CTPS2: variants seen among roughly 807,000 people sequenced by gnomAD.
The protein encoded by CTPS2 is CTP synthase II.
A neutral mutation model predicts 46.8 loss-of-function variants in CTPS2; 19 were observed. That is an observed-to-expected ratio of 0.41 (90% CI 0.28 to 0.60). The LOEUF (loss-of-function observed/expected upper bound fraction) is 0.60. Ranked by LOEUF, CTPS2 falls within the 20% of genes least tolerant of loss-of-function variation. CTPS2 has a pLI of 0.35. For synonymous variants in CTPS2, 151 were observed against 165.2 expected, an observed-to-expected ratio of 0.91 and a Z score of 0.66; for missense variants, 286 against 447.6, an observed-to-expected ratio of 0.64 and a Z score of 3.26.
chrX:16,674,700 T>C lies in CTPS2; in HGVS notation c.1094+3662A>G, dbSNP rs766120569. ...AAAAATACAAAAAATTAGCCGGGCG[T>C]GGTGGCAGGCGCCTGTAGTCCCAGC... On this transcript the variant is annotated intron_variant, in intron 10 of 18. Coordinates refer to ENST00000359276, the MANE Select transcript of CTPS2 (RefSeq NM_175859.3). Among the ~76,000 whole-genome samples the C allele has an allele frequency of 8.5e-5, 9 of 105,306 alleles. No individual in the cohort carries two copies. The South Asian group carries it at 1.8e-3, about 21-fold the overall frequency. The allele number at this position is 105,306 out of a possible 115,157, so 91.4% of individuals were successfully genotyped here. A position where few individuals can be genotyped will look rare whatever the true frequency, so the allele number is the denominator to read the frequency against.
At chrX:16,682,720 G>A (rs1922844741) in intron 9 of CTPS2, among the ~76,000 whole-genome samples, 1 of 111,497 alleles carries the variant, frequency 9.0e-6, no homozygotes, top group Admixed American at 9.6e-5. Flanking sequence ...GCTAAGAAGA[G>A]GGTGCCTACG....
At chrX:16,696,322 C>A (rs979609081) in intron 4 of CTPS2, among the ~76,000 whole-genome samples, 1 of 111,748 alleles carries the variant, frequency 8.9e-6, no homozygotes, top group Non-Finnish European at 1.9e-5. Context: ...CCACTAGTAT[C>A]CAATAAGCAA....
At chrX:16,640,516 A>T (rs59016383) in intron 13 of CTPS2, among the ~76,000 whole-genome samples, 1,323 of 111,563 alleles carry the variant, frequency 0.012, 27 homozygotes, top group African/African-American at 0.041. Context: ...TGGGAGAGAC[A>T]GTCAATCTTT....
intron 13 of CTPS2, among the ~76,000 whole-genome samples, chrX:16,661,206 G>A (rs185358137): frequency 5.4e-5 from 6 of 110,481 alleles, no homozygotes; most frequent in South Asian, 3.8e-4. Context: ...GCGATCCACC[G>A]GCCTCAGCCT....
intron 17 of CTPS2, among the ~76,000 whole-genome samples, chrX:16,595,919 G>A (rs1929221921): frequency 8.9e-6 from 1 of 112,352 alleles, no homozygotes; most frequent in Non-Finnish European, 1.9e-5. Context: ...ACCCAGGCTG[G>A]AGTGCAGTGG....
chrX:16,687,666 G>T lies in CTPS2; in HGVS notation c.872+1784C>A, dbSNP rs746426620. Among the ~76,000 whole-genome samples, 17 of 110,596 alleles carry T rather than the reference G, an allele frequency of 1.5e-4. No individual in the cohort carries two copies. The East Asian group carries it at 4.0e-3, about 26-fold the overall frequency. On this transcript the variant is annotated intron_variant, in intron 8 of 18. Transcript: ENST00000359276. ...ACTTTAAGCACTCTAGAGAGCAAGG[G>T]TTTTAGAGAATCTAAGCTCAGAAAC...
chrX:16,613,896 G>A (rs756952989), intron 16 of CTPS2, among the ~76,000 whole-genome samples: 1 of 111,385 alleles, frequency 9.0e-6, no homozygotes, highest in Non-Finnish European at 1.9e-5. Flanking sequence ...TGGCTCTCCA[G>A]GGGCATTTGA....
chrX:16,693,071 A>AG, intron 6 of CTPS2, 70 bp downstream of exon 6: 1 of 733,832 alleles, frequency 1.4e-6, no homozygotes, highest in East Asian at 3.3e-5. Flanking sequence ...TAAAAAAAAA[A>AG]AAAAAAAAGA....
chrX:16,673,048 G>A (rs1162786025), intron 10 of CTPS2, among the ~76,000 whole-genome samples: 5 of 105,405 alleles, frequency 4.7e-5, no homozygotes, highest in South Asian at 4.3e-4. Context: ...CACTACGCCC[G>A]GCTAATTTTT....
At chrX:16,642,458 G>A (rs1932126444) in intron 13 of CTPS2, among the ~76,000 whole-genome samples, 1 of 111,838 alleles carries the variant, frequency 8.9e-6, no homozygotes, top group South Asian at 3.8e-4. Context: ...GGAAGGTTCT[G>A]TGTGGGCCTA....
At chrX:16,660,402 A>T (rs1425784460) in intron 13 of CTPS2, among the ~76,000 whole-genome samples, 1 of 93,119 alleles carries the variant, frequency 1.1e-5, no homozygotes, top group African/African-American at 4.2e-5. Context: ...TTTATTTTTT[A>T]TTATTTATTT....
chrX:16,700,413 G>A (rs1273163232), intron 2 of CTPS2, among the ~76,000 whole-genome samples: 2 of 107,422 alleles, frequency 1.9e-5, no homozygotes, highest in Admixed American at 1.0e-4. Context: ...CACCGTGCCC[G>A]GCCTATTATT....
intron 9 of CTPS2, among the ~76,000 whole-genome samples, chrX:16,680,896 A>T (rs1213815767): frequency 9.0e-6 from 1 of 111,129 alleles, no homozygotes; most frequent in African/African-American, 3.3e-5. Flanking sequence ...TATAAAAATT[A>T]AAAAATAGGC....
chrX:16,621,836 A>G (rs1402608720), intron 14 of CTPS2, among the ~76,000 whole-genome samples: 1 of 111,936 alleles, frequency 8.9e-6, no homozygotes, highest in East Asian at 2.8e-4. Context: ...GTATTCTCAT[A>G]TAACTTTGTA....
intron 11 of CTPS2, among the ~76,000 whole-genome samples, chrX:16,668,340 T>A (rs1921372009): frequency 9.7e-6 from 1 of 103,159 alleles, no homozygotes. Context: ...TTTGGGAGGC[T>A]GAGTTGGGCG....
intron 1 of CTPS2, among the ~76,000 whole-genome samples, chrX:16,708,883 C>T (rs188768137): frequency 0.071 from 7,864 of 111,168 alleles, 300 homozygotes; most frequent in Non-Finnish European, 0.11. Context: ...CTGAGGCAGG[C>T]GGATCACCTG....
At chrX:16,619,025 C>T (rs1325902171) in intron 15 of CTPS2, among the ~76,000 whole-genome samples, 2 of 112,095 alleles carry the variant, frequency 1.8e-5, no homozygotes, top group Non-Finnish European at 3.8e-5. Context: ...GTTCTTGCAC[C>T]TTCTCATTGC....
intron 13 of CTPS2, among the ~76,000 whole-genome samples, chrX:16,655,126 G>A (rs921864229): frequency 2.7e-5 from 3 of 111,124 alleles, no homozygotes; most frequent in Non-Finnish European, 3.8e-5. Flanking sequence ...ATCCACTAGC[G>A]AGCAAGAAAA....
chrX:16,646,562 A>G (rs1009524078), intron 13 of CTPS2, among the ~76,000 whole-genome samples: 8 of 112,646 alleles, frequency 7.1e-5, no homozygotes, highest in African/African-American at 2.6e-4. Context: ...CTTTGTCTGA[A>G]GGTCCAGGGA....
Sources: gnomAD v4.1 joint callset for allele counts (sites outside exome capture counted in the v4.1 genomes callset) on GRCh38, gnomAD v4.1.1 for gene constraint, MANE v1.5 for transcripts, NCBI Gene and HGNC (gene_info 2026-07-23, HGNC 2026-07-21) for gene names.